PTGIS: variants seen among roughly 807,000 people sequenced by gnomAD.
The protein encoded by PTGIS is prostaglandin I2 synthase.
A neutral mutation model predicts 50.3 loss-of-function variants in PTGIS; 45 were observed. The ratio of observed to expected loss-of-function variants is 0.90; its 90% confidence interval spans 0.70 to 1.15. PTGIS has a LOEUF of 1.15. PTGIS is among the 50% of genes most tolerant of loss of function. The probability of loss-of-function intolerance (pLI) is 0.00; values close to 1 mark genes in which losing one functional copy is unlikely to be tolerated. For synonymous variants in PTGIS, 260 were observed against 267.7 expected, an observed-to-expected ratio of 0.97 and a Z score of 0.28; for missense variants, 668 against 661.3, an observed-to-expected ratio of 1.01 and a Z score of -0.11.
chr20:49,539,772 G>A, intron 4 of PTGIS, 51 bp from the exon 5 acceptor site: 1 of 1,582,016 alleles, frequency 6.3e-7, no homozygotes. Flanking sequence ...ACTCATGTGT[G>A]GCCACAGCTA....
chr20:49,511,106 AGCC>A lies in PTGIS; in HGVS notation c.1277_1279del (p.Arg426del). 6.2e-7 allele frequency: 1 copy of A among 1,614,212 alleles called. No homozygotes were observed. The highest frequency in any genetic ancestry group is 8.5e-7 in the Non-Finnish European group (1 of 1,180,030). On this transcript the variant is annotated inframe_deletion, in exon 9 of 10. Coordinates refer to ENST00000244043, the MANE Select transcript of PTGIS (RefSeq NM_000961.4). ...CCCCCAGGGCATGTTGTAATTCTTC[AGCC>A]GTTTCCCATCCTTGTAAAAGTCTTT... is the stretch of plus-strand genomic sequence containing the variant.
At chr20:49,509,881 CTTTTTTTT>C (rs11337451) in intron 9 of PTGIS, among the ~76,000 whole-genome samples, 2 of 93,376 alleles carry the variant, frequency 2.1e-5, no homozygotes, top group African/African-American at 9.6e-5. Context: ...TTCTTTCTTT[CTTTTTTTT>C]TTTTTTTTTT....
At chr20:49,526,967 T>C (rs1242131660) in intron 5 of PTGIS, among the ~76,000 whole-genome samples, 1 of 152,226 alleles carries the variant, frequency 6.6e-6, no homozygotes, top group Non-Finnish European at 1.5e-5. Flanking sequence ...ATTCTAGTTC[T>C]AGGTATATAG....
At position 49,511,153 on chromosome 20, in the gene PTGIS, G is replaced by A. The variant is rs773236507; in HGVS notation, c.1233C>T (p.Asn411=). The A allele has an allele frequency of 6.2e-7, 1 of 1,614,202 alleles. No individual in the cohort carries two copies. Among genetic ancestry groups the A allele is most frequent in the Middle Eastern group, 1.7e-4 (1 of 6,056 alleles). The change falls in exon 9 of 10, where the codon AAC becomes AAT. Residue 411 remains asparagine (N), a synonymous_variant. Transcript: ENST00000244043. ...PEVFKYNRFL[N]PDGSEKKDFY... ...AGTCTTTCTTCTCTGATCCGTCAGG[G>A]TTCAGGAATCGGTTGTATTTAAATA...
chr20:49,521,574 A>G (rs993135455), intron 6 of PTGIS, among the ~76,000 whole-genome samples: 2 of 152,156 alleles, frequency 1.3e-5, no homozygotes, highest in South Asian at 2.1e-4. Context: ...TTGGAGCTCC[A>G]AGTCATCTCT....
At chr20:49,549,541 G>A (rs888091591) in intron 2 of PTGIS, among the ~76,000 whole-genome samples, 2 of 152,206 alleles carry the variant, frequency 1.3e-5, no homozygotes, top group African/African-American at 4.8e-5. Flanking sequence ...TTGGATCCAT[G>A]AGTGGAAGAA....
chr20:49,531,214 A>AC (rs1225522190), intron 5 of PTGIS, among the ~76,000 whole-genome samples: 3 of 152,138 alleles, frequency 2.0e-5, no homozygotes, highest in Non-Finnish European at 4.4e-5. Context: ...AATCTGGCAA[A>AC]CCCCCCAAAA....
At chr20:49,519,015 T>C (rs1378801153) in intron 6 of PTGIS, among the ~76,000 whole-genome samples, 1 of 152,170 alleles carries the variant, frequency 6.6e-6, no homozygotes, top group East Asian at 1.9e-4. Flanking sequence ...GGATCAGATG[T>C]GATGGATGGG....
rs911460406 is a variant in PTGIS at position 49,550,148 on chromosome 20, C to G, written c.116G>C (p.Trp39Ser). ...TCCAAAGTCCAAGGCATACCCCAAC[C>G]AGGGGATGCTGCCCAGGTCCAGGGG... ...EPPLDLGSIP[W>S]LGYALDFGKD... The change falls in exon 2 of 10, where the codon TGG becomes TCG. Residue 39 changes from tryptophan to serine, a missense_variant. By Grantham distance (177) the Trp-to-Ser change is radical. Coordinates refer to ENST00000244043, the MANE Select transcript of PTGIS (RefSeq NM_000961.4). 1 of 1,614,012 alleles carries G rather than the reference C, an allele frequency of 6.2e-7. No homozygotes were observed. The highest frequency in any genetic ancestry group is 1.7e-5 in the Admixed American group (1 of 60,032).
At chr20:49,550,809 C>T (rs958947291) in intron 1 of PTGIS, among the ~76,000 whole-genome samples, 3 of 152,202 alleles carry the variant, frequency 2.0e-5, no homozygotes, top group Non-Finnish European at 4.4e-5. Flanking sequence ...GGCAAGTTTT[C>T]CTGCTTCCAT....
intron 1 of PTGIS, among the ~76,000 whole-genome samples, chr20:49,566,814 G>A (rs1312555070): frequency 6.6e-6 from 1 of 152,180 alleles, no homozygotes; most frequent in South Asian, 2.1e-4. Context: ...CCGGATCCTG[G>A]AACAAAAGAG....
Position 49,507,752 on chromosome 20 carries a change from C to A in PTGIS, c.*168G>T, listed in dbSNP as rs779208028. 6.6e-5 allele frequency: 59 copies of A among 887,956 alleles called. No homozygotes were observed. The highest frequency in any genetic ancestry group is 9.3e-5 in the Non-Finnish European group (53 of 568,342). 55.0% of individuals were successfully genotyped at this position (887,956 alleles called of 1,614,324 possible). On this transcript the variant is annotated 3_prime_UTR_variant, in exon 10 of 10. Coordinates refer to ENST00000244043, the MANE Select transcript of PTGIS (RefSeq NM_000961.4). Reference sequence around the variant, plus strand: ...CTTTCAATGTCTTTTCTTTGTTCACCCTCTTAGCTTTTCCCTCCCCTGGAC... The same window carrying A: ...CTTTCAATGTCTTTTCTTTGTTCACACTCTTAGCTTTTCCCTCCCCTGGAC...
At position 49,524,161 on chromosome 20, in the gene PTGIS, T is replaced by C; in HGVS notation, c.752A>G (p.His251Arg). 1.9e-6 allele frequency: 3 copies of C among 1,614,210 alleles called. No homozygotes were observed. Among genetic ancestry groups the C allele is most frequent in the South Asian group, 1.1e-5 (1 of 91,084 alleles). Residue 251 changes from histidine (H) to arginine (R), a missense_variant, in exon 6 of 10, where the codon CAC (histidine) becomes CGC (arginine). Physicochemically the swap from His to Arg is conservative, Grantham distance 29. Transcript: ENST00000244043. ...GTAACTCTCCAGCCATTTGCTCCGGTGGGCCCGCCTGGCCAGCCTGGCTGG... is the reference window on the plus strand; with the variant it reads ...GTAACTCTCCAGCCATTTGCTCCGGCGGGCCCGCCTGGCCAGCCTGGCTGG... ...LSPARLARRA[H>R]RSKWLESYLL...
chr20:49,506,958 A>G lies in PTGIS; in HGVS notation c.*962T>C, dbSNP rs1008816118. The G allele has an allele frequency of 1.3e-5, 2 of 152,202 alleles. No individual in the cohort carries two copies. The highest frequency in any genetic ancestry group is 4.8e-5 in the African/African-American group (2 of 41,438). The allele number at this position is 152,202 out of a possible 1,614,324, so 9.4% of individuals were successfully genotyped here. On this transcript the variant is annotated 3_prime_UTR_variant, in exon 10 of 10. Transcript: ENST00000244043. ...TGAGCCCAGTGTGGCCAGATATACC[A>G]AGTTTTCAAGAGAAGCTGGACATTT...
Position 49,504,433 on chromosome 20 carries a change from T to A in PTGIS, c.*3487A>T, listed in dbSNP as rs952640810. 6.6e-6 allele frequency: 1 copy of A among 152,182 alleles called. No homozygotes were observed. The allele number at this position is 152,182 out of a possible 1,614,324, so 9.4% of individuals were successfully genotyped here. A position where few individuals can be genotyped will look rare whatever the true frequency, so the allele number is the denominator to read the frequency against. On this transcript the variant is annotated 3_prime_UTR_variant, in exon 10 of 10. Transcript: ENST00000244043. ...AGTTTAGGCCGGGCATGGTGGCTCA[T>A]GCCTGTAATCCTAGCACTTTGGGAG...
At chr20:49,558,570 C>T (rs746346687) in intron 1 of PTGIS, among the ~76,000 whole-genome samples, 1 of 152,128 alleles carries the variant, frequency 6.6e-6, no homozygotes, top group Non-Finnish European at 1.5e-5. Flanking sequence ...GAATTGAAAA[C>T]GTTGGATCTT....
intron 6 of PTGIS, among the ~76,000 whole-genome samples, chr20:49,521,051 G>A (rs1047122504): frequency 6.6e-6 from 1 of 152,194 alleles, no homozygotes; most frequent in Non-Finnish European, 1.5e-5. Context: ...TCTATCCCCA[G>A]CTTCTAGAAT....
At chr20:49,515,407 A>G (rs1981450053) in intron 6 of PTGIS, among the ~76,000 whole-genome samples, 1 of 152,242 alleles carries the variant, frequency 6.6e-6, no homozygotes, top group African/African-American at 2.4e-5. Flanking sequence ...GCTCTTTGGT[A>G]TGTGGCTAAA....
intron 6 of PTGIS, among the ~76,000 whole-genome samples, chr20:49,523,659 G>T (rs1420579960): frequency 3.9e-5 from 6 of 151,922 alleles, no homozygotes; most frequent in African/African-American, 1.5e-4. Flanking sequence ...GGCAACTGTG[G>T]TCCCAGCTAC....
Sources: allele counts gnomAD v4.1 joint callset (sites outside exome capture counted in the v4.1 genomes callset), GRCh38; gene constraint gnomAD v4.1.1; transcripts MANE v1.5; gene names NCBI Gene and HGNC (gene_info 2026-07-23, HGNC 2026-07-21).